The following MAST4 variants were observed in gnomAD, a reference collection of about 807,000 sequenced individuals.
MAST4 encodes microtubule-associated serine/threonine-protein kinase 4.
A neutral mutation model predicts 162.7 loss-of-function variants in MAST4; 89 were observed. That is an observed-to-expected ratio of 0.55 (90% CI 0.46 to 0.65). MAST4 has a LOEUF of 0.65. MAST4 is among the 30% of genes least tolerant of loss of function. MAST4 has a pLI of 0.00. For synonymous variants in MAST4, 1,479 were observed against 1,361.1 expected, an observed-to-expected ratio of 1.09 and a Z score of -1.91; for missense variants, 3,153 against 3,374.0, an observed-to-expected ratio of 0.93 and a Z score of 1.62.
rs538771494 is a variant in MAST4, at chr5:66,636,290, G to T, written c.363+39272G>T. 2.0e-5 allele frequency among the ~76,000 whole-genome samples: 3 copies of T among 152,136 alleles called. No individual in the cohort carries two copies. The East Asian group carries it at 5.8e-4, about 29-fold the overall frequency. Reference sequence around the variant, plus strand: ...CCTTTTAATCAGAAGATGCACCCTTGACTTCTGATGCTTAGCCCAAGCAGC... The same window carrying T: ...CCTTTTAATCAGAAGATGCACCCTTTACTTCTGATGCTTAGCCCAAGCAGC... On this transcript the variant is annotated intron_variant, in intron 1 of 28. Coordinates refer to ENST00000403625, the MANE Select transcript of MAST4 (RefSeq NM_001164664.2).
Position 66,986,535 on chromosome 5 carries a change from T to C in MAST4, c.675-67869T>C, listed in dbSNP as rs1409897902. ...ATATCCAAAGCTCATATTGTTTCCT[T>C]TCCAGTACTTTCTCTCTGTCTTTCC... On this transcript the variant is annotated intron_variant, in intron 4 of 28. Coordinates refer to ENST00000403625, the MANE Select transcript of MAST4 (RefSeq NM_001164664.2). 2.7e-6 allele frequency: 4 copies of C among 1,463,154 alleles called. No individual in the cohort carries two copies. In the South Asian group the frequency reaches 4.2e-5, roughly 15 times the overall value. The allele number at this position is 1,463,154 out of a possible 1,614,324, so 90.6% of individuals were successfully genotyped here.
intron 3 of MAST4, among the ~76,000 whole-genome samples, chr5:66,898,556 GCAAACA>G (rs1167754476): frequency 6.6e-6 from 1 of 152,244 alleles, no homozygotes; most frequent in East Asian, 1.9e-4. Flanking sequence ...GCCAAGTTCA[GCAAACA>G]CTATAATTTC....
At chr5:67,070,023 C>CCA (rs1487561727) in intron 5 of MAST4, among the ~76,000 whole-genome samples, 5 of 151,838 alleles carry the variant, frequency 3.3e-5, no homozygotes, top group African/African-American at 9.7e-5. Flanking sequence ...GGTAAAAAGC[C>CCA]CACTTCCTTG....
rs1755124881 is a variant in MAST4 at position 66,786,460 on chromosome 5, T to A, written c.518-2210T>A. Among the ~76,000 whole-genome samples the A allele has an allele frequency of 2.0e-5, 3 of 152,130 alleles. No individual in the cohort carries two copies. In the South Asian group the frequency reaches 6.2e-4, roughly 32 times the overall value. ...TGCAAATAAAATACAAATAAATAAA[T>A]ACAAATAAAATATAGAAAATGACAT... On this transcript the variant is annotated intron_variant, in intron 2 of 28. Coordinates refer to ENST00000403625, the MANE Select transcript of MAST4 (RefSeq NM_001164664.2).
At chr5:66,617,828 A>G (rs1211548892) in intron 1 of MAST4, among the ~76,000 whole-genome samples, 1 of 152,198 alleles carries the variant, frequency 6.6e-6, no homozygotes, top group African/African-American at 2.4e-5. Flanking sequence ...TAAAACATCA[A>G]CGCGTACTAA....
rs748661968 is a variant in MAST4, at chr5:67,165,596, G to A, written c.6417G>A (p.Thr2139=). ...GCAGCATCCCTCCGCCCCCTCTGAC[G>A]GCCAAAGACCTGTCCAGCCCGGCTG... ...HPSSIPPPPL[T]AKDLSSPAAR... is the part of the protein sequence containing the mutation. The change falls in exon 29 of 29, where the codon ACG becomes ACA. Residue 2139 remains threonine, a synonymous_variant. Transcript: ENST00000403625. The A allele has an allele frequency of 3.1e-6, 5 of 1,613,728 alleles. No homozygotes were observed. Among genetic ancestry groups the A allele is most frequent in the Non-Finnish European group, 4.2e-6 (5 of 1,179,792 alleles).
rs112812348 is a variant in MAST4, at chr5:66,952,708, G to T, written c.674+52726G>T. Among the ~76,000 whole-genome samples, 1,013 of 152,274 alleles carry T rather than the reference G, an allele frequency of 6.7e-3. 5 individuals carry two copies. Among genetic ancestry groups the T allele is most frequent in the Non-Finnish European group, 0.012 (817 of 68,024 alleles). On this transcript the variant is annotated intron_variant, in intron 4 of 28. Transcript: ENST00000403625. ...GGCCTTTCTGATGTGCATTGAATGA[G>T]CCTGCCTTGTTCCACCGTCAGAGAC...
At chr5:67,054,547 T>C (rs1238407659) in intron 5 of MAST4, 55 bp downstream of exon 5, 1 of 1,428,492 alleles carries the variant, frequency 7.0e-7, no homozygotes, top group Admixed American at 2.3e-5. Context: ...GTTGGTTTTT[T>C]AAAATAATTA....
chr5:66,629,388 C>T (rs753310356), intron 1 of MAST4, among the ~76,000 whole-genome samples: 7 of 152,156 alleles, frequency 4.6e-5, no homozygotes, highest in Admixed American at 1.3e-4. Flanking sequence ...ATGAGCCTGG[C>T]GGACTTGTGC....
intron 10 of MAST4, among the ~76,000 whole-genome samples, chr5:67,107,777 A>T (rs1320933389): frequency 6.6e-6 from 1 of 152,220 alleles, no homozygotes; most frequent in African/African-American, 2.4e-5. Flanking sequence ...ACAATTCCAG[A>T]TGAATGCTTT....
intron 3 of MAST4, among the ~76,000 whole-genome samples, chr5:66,896,061 G>A (rs951039862): frequency 2.6e-5 from 4 of 152,132 alleles, no homozygotes; most frequent in African/African-American, 9.7e-5. Flanking sequence ...TTCTGATTGA[G>A]AATCCAATTC....
At chr5:66,868,994 C>G (rs1760733444) in intron 3 of MAST4, among the ~76,000 whole-genome samples, 1 of 152,056 alleles carries the variant, frequency 6.6e-6, no homozygotes, top group Middle Eastern at 3.4e-3. Flanking sequence ...AACCACAGGC[C>G]CAGGATTTAG....
intron 1 of MAST4, among the ~76,000 whole-genome samples, chr5:66,720,111 A>G (rs1751101395): frequency 1.3e-5 from 2 of 152,198 alleles, no homozygotes; most frequent in African/African-American, 4.8e-5. Context: ...AGGGTCTCAG[A>G]TGTTTATTAG....
chr5:67,106,511 T>G (rs1765609457), intron 10 of MAST4, among the ~76,000 whole-genome samples: 2 of 152,194 alleles, frequency 1.3e-5, no homozygotes, highest in South Asian at 4.1e-4. Context: ...CATAGTTTAC[T>G]TCCTAAATAT....
At chr5:66,870,504 T>C (rs191915916) in intron 3 of MAST4, among the ~76,000 whole-genome samples, 24 of 152,346 alleles carry the variant, frequency 1.6e-4, no homozygotes, top group Admixed American at 1.6e-3. Flanking sequence ...AAAATGTAGA[T>C]TTGATGGGAA....
intron 4 of MAST4, chr5:66,963,974 T>C (rs1561484659): frequency 1.4e-6 from 1 of 702,524 alleles, no homozygotes; most frequent in Non-Finnish European, 2.6e-6. Context: ...ATATTTCACT[T>C]GGTGTCTCTT....
At chr5:66,990,102 C>G (rs921964462) in intron 4 of MAST4, among the ~76,000 whole-genome samples, 1 of 152,008 alleles carries the variant, frequency 6.6e-6, no homozygotes, top group Non-Finnish European at 1.5e-5. Context: ...TATGAATTAT[C>G]GATGGATTTC....
At chr5:67,101,904 A>G (rs1018524129) in intron 8 of MAST4, among the ~76,000 whole-genome samples, 1 of 151,854 alleles carries the variant, frequency 6.6e-6, no homozygotes, top group Non-Finnish European at 1.5e-5. Flanking sequence ...GCACAACTAT[A>G]TATCACTAGG....
intron 5 of MAST4, among the ~76,000 whole-genome samples, chr5:67,074,037 T>G (rs1388195178): frequency 1.3e-5 from 2 of 151,868 alleles, no homozygotes; most frequent in African/African-American, 4.8e-5. Context: ...ACAAATAACT[T>G]AGGACATATC....
Sources: gnomAD v4.1 joint callset for allele counts (sites outside exome capture counted in the v4.1 genomes callset) on GRCh38, gnomAD v4.1.1 for gene constraint, MANE v1.5 for transcripts, NCBI Gene and HGNC (gene_info 2026-07-23, HGNC 2026-07-21) for gene names.